ADCY9: variants seen among roughly 807,000 people sequenced by gnomAD.
ADCY9 encodes adenylate cyclase type 9.
ADCY9 carries 50 observed loss-of-function variants against 101.5 expected under a neutral mutation model. The ratio of observed to expected loss-of-function variants is 0.49; its 90% CI spans 0.39 to 0.62. The LOEUF is 0.62. Among genes scored for constraint, ADCY9 ranks in the 20% least tolerant of loss-of-function variants. ADCY9 has a pLI of 0.00. For synonymous variants in ADCY9, 905 were observed against 769.3 expected (o/e 1.18, Z -2.92); for missense variants, 1,662 against 1,800.4 (o/e 0.92, Z 1.39).
intron 2 of ADCY9, among the ~76,000 whole-genome samples, chr16:4,008,012 G>T (rs1459499567): frequency 6.6e-6 from 1 of 151,998 alleles, no homozygotes; most frequent in African/African-American, 2.4e-5. Flanking sequence ...CATCTTACCT[G>T]TGTCAGAGGC....
At chr16:4,046,858 A>T (rs1012596642) in intron 2 of ADCY9, among the ~76,000 whole-genome samples, 10 of 151,726 alleles carry the variant, frequency 6.6e-5, no homozygotes, top group East Asian at 1.9e-4. Context: ...TTTTTTTTTT[A>T]AATTATCCAA....
intron 2 of ADCY9, among the ~76,000 whole-genome samples, chr16:4,063,723 A>AAC (rs925065122): frequency 2.0e-5 from 3 of 151,600 alleles, no homozygotes; most frequent in Non-Finnish European, 2.9e-5. Flanking sequence ...AAAAAAAAAA[A>AAC]CACAAACCTG....
chr16:4,021,668 T>A (rs1322121865), intron 2 of ADCY9, among the ~76,000 whole-genome samples: 1 of 152,226 alleles, frequency 6.6e-6, no homozygotes, highest in African/African-American at 2.4e-5. Flanking sequence ...TGAGACTTCC[T>A]GACACAAATG....
intron 2 of ADCY9, among the ~76,000 whole-genome samples, chr16:4,082,418 T>C (rs946953953): frequency 1.3e-5 from 2 of 152,168 alleles, no homozygotes; most frequent in South Asian, 2.1e-4. Context: ...TTAACTAAAG[T>C]CACAGCCACT....
chr16:4,011,614 G>C (rs751344403), intron 2 of ADCY9, among the ~76,000 whole-genome samples: 2 of 152,208 alleles, frequency 1.3e-5, no homozygotes, highest in Non-Finnish European at 2.9e-5. Context: ...CCTCGGAGTC[G>C]GGTCCAGGTC....
chr16:4,041,027 G>A (rs962362375), intron 2 of ADCY9, among the ~76,000 whole-genome samples: 1 of 152,094 alleles, frequency 6.6e-6, no homozygotes, highest in African/African-American at 2.4e-5. Flanking sequence ...ATTTCTGGAT[G>A]GAAAAGACCA....
At chr16:4,014,636 G>A (rs62036957) in intron 2 of ADCY9, among the ~76,000 whole-genome samples, 4 of 151,924 alleles carry the variant, frequency 2.6e-5, no homozygotes, top group African/African-American at 7.2e-5. Flanking sequence ...TTAGCAGAGA[G>A]GGGGTTTTGC....
At chr16:4,009,250 CAT>C (rs1491330178) in intron 2 of ADCY9, among the ~76,000 whole-genome samples, 1 of 52,950 alleles carries the variant, frequency 1.9e-5, no homozygotes, top group Middle Eastern at 6.9e-3. Context: ...AGAAACTCTT[CAT>C]GTTTTGTTTT....
intron 2 of ADCY9, among the ~76,000 whole-genome samples, chr16:4,110,034 C>T (rs187541236): frequency 1.2e-4 from 19 of 152,336 alleles, no homozygotes; most frequent in African/African-American, 3.8e-4. Flanking sequence ...TTCTGTCCAC[C>T]TGGAGAGCCA....
chr16:3,963,524 G>A lies in ADCY9; in HGVS notation c.*2251C>T. ...GTTTGAAAGACAACGTTAAGCTCTG[G>A]GTGAGTCTGCACGGGGCTGAACCAG... On this transcript the variant is annotated 3_prime_UTR_variant, in exon 11 of 11. Coordinates refer to ENST00000294016, the MANE Select transcript of ADCY9 (RefSeq NM_001116.4). 1 of 386,674 alleles carries A rather than the reference G, an allele frequency of 2.6e-6. No homozygotes were observed. The highest frequency in any genetic ancestry group is 4.5e-5 in the Admixed American group (1 of 22,364). The allele number at this position is 386,674 out of a possible 1,614,324, so 24.0% of individuals were successfully genotyped here.
chr16:3,983,624 A>G, intron 6 of ADCY9, 184 bp from the exon 7 acceptor site: 1 of 596,702 alleles, frequency 1.7e-6, no homozygotes, highest in South Asian at 2.1e-5. Flanking sequence ...TCCAAGGCAC[A>G]GAGAAGTTAA....
rs1258847311 is a variant in ADCY9 at position 3,992,598 on chromosome 16, G to A, written c.1990-235C>T. Among the ~76,000 whole-genome samples, 2 of 152,168 alleles carry A rather than the reference G, an allele frequency of 1.3e-5. No homozygotes were observed. The highest frequency in any genetic ancestry group is 2.4e-5 in the African/African-American group (1 of 41,446). On this transcript the variant is annotated intron_variant, in intron 4 of 10. Transcript: ENST00000294016. The surrounding 1 kb of genome is among the most constrained non-coding windows in gnomAD (Gnocchi z 4.2). ...ACAGTGCCCAGTGGTAACGCTGGGT[G>A]TTCAGGCTGCCAGGACATTGAGACA...
intron 2 of ADCY9, among the ~76,000 whole-genome samples, chr16:4,027,384 T>C (rs2056523142): frequency 6.6e-6 from 1 of 152,252 alleles, no homozygotes; most frequent in African/African-American, 2.4e-5. Context: ...AAGGGTGTAT[T>C]AGTCTGTTTT....
chr16:3,979,315 G>T, intron 7 of ADCY9, 40 bp from the exon 8 acceptor site: 2 of 1,606,686 alleles, frequency 1.2e-6, no homozygotes, highest in South Asian at 2.2e-5. Context: ...GACGGGGCCC[G>T]GGGTGGGTCA....
At chr16:3,986,480 ACTC>A (rs2056194209) in intron 6 of ADCY9, among the ~76,000 whole-genome samples, 1 of 151,206 alleles carries the variant, frequency 6.6e-6, no homozygotes, top group South Asian at 2.1e-4. Flanking sequence ...ACGGAGTTTC[ACTC>A]TTCTTGCCCA....
intron 10 of ADCY9, 130 bp from the exon 11 acceptor site, chr16:3,967,096 T>A (rs985608151): frequency 5.5e-6 from 4 of 729,648 alleles, no homozygotes; most frequent in Non-Finnish European, 9.1e-6. Context: ...AAGCTGCCCA[T>A]TCCTGGTTTG....
chr16:3,961,374 G>C (rs1257864815), downstream of ADCY9, among the ~76,000 whole-genome samples: 1 of 151,890 alleles, frequency 6.6e-6, no homozygotes, highest in East Asian at 1.9e-4. Flanking sequence ...ACCTGAGTCA[G>C]GGCAGGTCAA....
At chr16:4,073,404 T>A (rs1003940298) in intron 2 of ADCY9, among the ~76,000 whole-genome samples, 3 of 151,158 alleles carry the variant, frequency 2.0e-5, no homozygotes, top group Non-Finnish European at 2.9e-5. Flanking sequence ...AAAACTTTTT[T>A]TTTTTTTTGA....
rs147497049 is a variant in ADCY9 at position 4,067,126 on chromosome 16, T to C, written c.1693+46624A>G. 5.5e-3 allele frequency among the ~76,000 whole-genome samples: 836 copies of C among 152,036 alleles called. 3 individuals are homozygous for C. Among genetic ancestry groups the C allele is most frequent in the Admixed American group, 0.01 (157 of 15,256 alleles). On this transcript the variant is annotated intron_variant, in intron 2 of 10. Transcript: ENST00000294016. ...CTTAAAAAAAATTAGAATCACAGAATGGGGGGAGATGAGAAAAAATTCATC... is the reference window on the plus strand; with the variant it reads ...CTTAAAAAAAATTAGAATCACAGAACGGGGGGAGATGAGAAAAAATTCATC...
Sources: gnomAD v4.1 joint callset for allele counts (sites outside exome capture counted in the v4.1 genomes callset) on GRCh38, gnomAD v4.1.1 for gene constraint, Gnocchi (gnomAD v3.1) non-coding constraint, MANE v1.5 for transcripts, NCBI Gene and HGNC (gene_info 2026-07-23, HGNC 2026-07-21) for gene names.